The following PCDH9 variants were observed in gnomAD, a reference collection of about 807,000 sequenced individuals.
PCDH9 encodes protocadherin-9.
Under a neutral mutation model 70.6 loss-of-function variants are expected in PCDH9, and 24 were observed. The ratio of observed to expected loss-of-function variants is 0.34; its 90% CI spans 0.25 to 0.48. The LOEUF is 0.48. PCDH9 is among the 20% of genes least tolerant of loss of function. The probability of loss-of-function intolerance (pLI) is 0.99; values close to 1 mark genes in which losing one functional copy is unlikely to be tolerated. For synonymous variants in PCDH9, 562 were observed against 558.5 expected, an observed-to-expected ratio of 1.01 and a Z score of -0.09; for missense variants, 1,281 against 1,503.6, an observed-to-expected ratio of 0.85 and a Z score of 2.45.
intron 4 of PCDH9, among the ~76,000 whole-genome samples, chr13:66,431,227 G>A (rs1957765794): frequency 6.6e-6 from 1 of 151,970 alleles, no homozygotes; most frequent in Admixed American, 6.6e-5. Context: ...CAATAATAAA[G>A]CTATATAAAA....
At chr13:66,420,132 C>T (rs557918415) in intron 4 of PCDH9, among the ~76,000 whole-genome samples, 7 of 152,288 alleles carry the variant, frequency 4.6e-5, no homozygotes, top group South Asian at 2.1e-4. Context: ...GATTCCTCCT[C>T]TCTGGCCAGG....
At chr13:66,686,638 TAA>T (rs2078406987) in intron 3 of PCDH9, among the ~76,000 whole-genome samples, 1 of 152,216 alleles carries the variant, frequency 6.6e-6, no homozygotes, top group African/African-American at 2.4e-5. Context: ...TCTGTGTGAA[TAA>T]AAGTGTATAA....
chr13:67,192,555 A>G (rs2088946792), intron 2 of PCDH9, among the ~76,000 whole-genome samples: 1 of 152,212 alleles, frequency 6.6e-6, no homozygotes, highest in African/African-American at 2.4e-5. Flanking sequence ...ACAAGAACAT[A>G]TTCATTCTGA....
intron 2 of PCDH9, among the ~76,000 whole-genome samples, chr13:67,122,419 C>T (rs1016913451): frequency 2.0e-4 from 31 of 152,010 alleles, no homozygotes; most frequent in African/African-American, 7.3e-4. Flanking sequence ...CCTCATGAAG[C>T]ATGCATTATC....
chr13:66,793,916 A>G (rs941669230), intron 3 of PCDH9, among the ~76,000 whole-genome samples: 1 of 152,110 alleles, frequency 6.6e-6, no homozygotes, highest in East Asian at 1.9e-4. Context: ...TACATTTGTT[A>G]AATTTGTTTT....
chr13:66,661,538 T>C (rs1018528160), intron 3 of PCDH9, among the ~76,000 whole-genome samples: 1 of 152,222 alleles, frequency 6.6e-6, no homozygotes, highest in African/African-American at 2.4e-5. Context: ...ATGCCCTTGT[T>C]TATCTGGATT....
rs559996528 is a variant in PCDH9 at position 66,414,026 on chromosome 13, T to C, written c.3341-108998A>G. On this transcript the variant is annotated intron_variant, in intron 4 of 4. Coordinates refer to ENST00000377865, the MANE Select transcript of PCDH9 (RefSeq NM_203487.3). ...ACAATGAATAGAAAAGGGGCTTTTT[T>C]TTCATTGAAATACCTGGAAACTCAA... 1.2e-3 allele frequency among the ~76,000 whole-genome samples: 190 copies of C among 152,192 alleles called. 1 individual carries two copies. Among genetic ancestry groups the C allele is most frequent in the Non-Finnish European group, 2.3e-3 (157 of 68,008 alleles).
At chr13:66,995,566 G>T (rs1270914126) in intron 2 of PCDH9, among the ~76,000 whole-genome samples, 1 of 152,172 alleles carries the variant, frequency 6.6e-6, no homozygotes, top group East Asian at 1.9e-4. Flanking sequence ...GGGTTAGGAA[G>T]TTAGAATTGT....
chr13:66,893,066 T>A (rs1386101761), intron 3 of PCDH9, among the ~76,000 whole-genome samples: 4 of 152,136 alleles, frequency 2.6e-5, no homozygotes, highest in Admixed American at 2.6e-4. Context: ...TCTTTGAGTA[T>A]CATTTATAAT....
chr13:66,506,941 G>C (rs1238914331), intron 4 of PCDH9, among the ~76,000 whole-genome samples: 1 of 152,226 alleles, frequency 6.6e-6, no homozygotes, highest in South Asian at 2.1e-4. Flanking sequence ...AACCTGGAAG[G>C]TTGTAACAAA....
At chr13:66,742,459 A>G (rs1300789089) in intron 3 of PCDH9, among the ~76,000 whole-genome samples, 1 of 143,802 alleles carries the variant, frequency 7.0e-6, no homozygotes. Context: ...CAAAACACCA[A>G]AAGCAATGGC....
chr13:66,896,071 T>G (rs2082173903), intron 3 of PCDH9, among the ~76,000 whole-genome samples: 1 of 152,190 alleles, frequency 6.6e-6, no homozygotes, highest in Non-Finnish European at 1.5e-5. Context: ...TCAGCAAATC[T>G]GTCAAATGCG....
At chr13:66,592,953 T>C (rs536061053) in intron 4 of PCDH9, among the ~76,000 whole-genome samples, 8 of 151,844 alleles carry the variant, frequency 5.3e-5, no homozygotes, top group Non-Finnish European at 8.9e-5. Context: ...TGATCTTAAA[T>C]ACAAAATAAG....
At chr13:67,129,934 T>G (rs951350052) in intron 2 of PCDH9, among the ~76,000 whole-genome samples, 5 of 152,068 alleles carry the variant, frequency 3.3e-5, no homozygotes, top group Admixed American at 1.3e-4. Context: ...ATTTTAAAAT[T>G]TTTAAAAAGC....
intron 3 of PCDH9, among the ~76,000 whole-genome samples, chr13:66,759,844 CT>C (rs1402822539): frequency 1.3e-5 from 2 of 151,974 alleles, no homozygotes; most frequent in Admixed American, 1.3e-4. Context: ...ATATTTTTAT[CT>C]TTAAATCTTC....
At chr13:66,854,613 T>C (rs1386012514) in intron 3 of PCDH9, among the ~76,000 whole-genome samples, 1 of 151,628 alleles carries the variant, frequency 6.6e-6, no homozygotes, top group Non-Finnish European at 1.5e-5. Context: ...TTAATGTCTA[T>C]TTAGTGCCAC....
intron 4 of PCDH9, among the ~76,000 whole-genome samples, chr13:66,414,391 C>T (rs1419744623): frequency 6.6e-6 from 1 of 152,210 alleles, no homozygotes; most frequent in Admixed American, 6.5e-5. Context: ...ATTCTCTTGT[C>T]TGCTTCAGGT....
At chr13:66,808,990 C>T (rs1174328440) in intron 3 of PCDH9, among the ~76,000 whole-genome samples, 1 of 152,178 alleles carries the variant, frequency 6.6e-6, no homozygotes, top group Admixed American at 6.5e-5. Context: ...CTCTGTCACC[C>T]ACGCTGGAGT....
chr13:66,777,467 A>G (rs1005836658), intron 3 of PCDH9, among the ~76,000 whole-genome samples: 39 of 152,304 alleles, frequency 2.6e-4, no homozygotes, highest in Admixed American at 1.6e-3. Context: ...AAAAGTGGGC[A>G]AAGGACATGA....
Sources: gnomAD v4.1 joint callset for allele counts (sites outside exome capture counted in the v4.1 genomes callset) on GRCh38, gnomAD v4.1.1 for gene constraint, MANE v1.5 for transcripts, NCBI Gene and HGNC (gene_info 2026-07-23, HGNC 2026-07-21) for gene names.